Variants in SMYD3 observed in about 807,000 individuals in gnomAD.
SMYD3 encodes SET and MYND domain containing 3, also known as histone-lysine N-methyltransferase SMYD3.
Under a neutral mutation model 57.7 loss-of-function variants are expected in SMYD3, and 36 were observed. The observed-to-expected ratio is 0.62, with a 90% CI of 0.48 to 0.82. The LOEUF (loss-of-function observed/expected upper bound fraction) is 0.82, where lower values mean the gene tolerates loss of function less well. SMYD3 is among the 40% of genes least tolerant of loss of function. The pLI is 0.00. For missense variants in SMYD3, 515 were observed against 538.8 expected (o/e 0.96, Z 0.44); for synonymous variants, 211 against 195.0 (o/e 1.08, Z -0.68).
intron 10 of SMYD3, among the ~76,000 whole-genome samples, chr1:245,785,617 G>T (rs925022641): frequency 3.4e-4 from 51 of 151,946 alleles, no homozygotes; most frequent in African/African-American, 1.1e-3. Flanking sequence ...AAGAGACAGG[G>T]CACCTCTCCC....
chr1:245,884,440 G>GCA (rs1365425890), intron 8 of SMYD3, among the ~76,000 whole-genome samples: 2 of 152,116 alleles, frequency 1.3e-5, no homozygotes, highest in African/African-American at 4.8e-5. Flanking sequence ...GAAATGCATG[G>GCA]GGGTTTTTAT....
intron 5 of SMYD3, among the ~76,000 whole-genome samples, chr1:246,076,297 A>C (rs2060545519): frequency 2.0e-5 from 3 of 152,216 alleles, no homozygotes; most frequent in African/African-American, 7.2e-5. Context: ...ATTCAAAGAA[A>C]AGACAGAGCT....
At chr1:245,828,777 A>G (rs953568904) in intron 10 of SMYD3, among the ~76,000 whole-genome samples, 28 of 150,590 alleles carry the variant, frequency 1.9e-4, no homozygotes, top group African/African-American at 6.6e-4. Context: ...TCTCGGGCTC[A>G]CTGCAACCTC....
intron 5 of SMYD3, among the ~76,000 whole-genome samples, chr1:245,979,159 T>C (rs770133177): frequency 6.6e-6 from 1 of 152,050 alleles, no homozygotes; most frequent in East Asian, 1.9e-4. Flanking sequence ...CACACAGAAA[T>C]AGCTTGAAGA....
intron 2 of SMYD3, among the ~76,000 whole-genome samples, chr1:246,350,776 G>A (rs2065809846): frequency 6.6e-6 from 1 of 152,192 alleles, no homozygotes; most frequent in South Asian, 2.1e-4. Context: ...TGAAGTCATA[G>A]GAGCAGATAA....
At chr1:245,886,302 A>T (rs528370153) in intron 8 of SMYD3, among the ~76,000 whole-genome samples, 1 of 152,292 alleles carries the variant, frequency 6.6e-6, no homozygotes, top group South Asian at 2.1e-4. Context: ...CAAGAGAAAG[A>T]GAAAGCCCAC....
intron 10 of SMYD3, among the ~76,000 whole-genome samples, chr1:245,786,065 T>C (rs1572332076): frequency 7.1e-6 from 1 of 141,302 alleles, no homozygotes; most frequent in African/African-American, 2.7e-5. Flanking sequence ...TTTTAACTTG[T>C]AGAAGTTTTG....
At chr1:245,788,874 ACT>A (rs1362709132) in intron 10 of SMYD3, 1 of 152,130 alleles carries the variant, frequency 6.6e-6, no homozygotes, top group East Asian at 1.9e-4. Flanking sequence ...GTTACTTATG[ACT>A]CTAATTATGT....
chr1:245,877,650 T>G (rs1182411552), intron 8 of SMYD3, among the ~76,000 whole-genome samples: 1 of 152,130 alleles, frequency 6.6e-6, no homozygotes. Context: ...AGTAAGTCTG[T>G]GGAGAGTAGA....
Position 246,263,364 on chromosome 1 carries a change from G to T in SMYD3, c.531+63837C>A, listed in dbSNP as rs80056446. ...TGTATGTGACCTGGGCACATACCCA[G>T]GTCAGAGTTAGGGCTCATTAACAGT... On this transcript the variant is annotated intron_variant, in intron 5 of 11. Transcript: ENST00000490107. Among the ~76,000 whole-genome samples, 3,415 of 147,614 alleles carry T rather than the reference G, an allele frequency of 0.023. 241 individuals are homozygous for T. The East Asian group carries it at 0.25, about 11-fold the overall frequency.
intron 10 of SMYD3, among the ~76,000 whole-genome samples, chr1:245,766,396 G>C (rs933413351): frequency 2.2e-5 from 2 of 89,938 alleles, no homozygotes; most frequent in African/African-American, 1.3e-4. Context: ...GCGAGACTCT[G>C]TCTTAAAAAA....
At chr1:246,086,520 C>A (rs906113460) in intron 5 of SMYD3, among the ~76,000 whole-genome samples, 9 of 149,980 alleles carry the variant, frequency 6.0e-5, no homozygotes, top group Admixed American at 4.0e-4. Context: ...TTTTTCTACA[C>A]TTCACTTATT....
chr1:246,299,530 C>T (rs2064856039), intron 5 of SMYD3, among the ~76,000 whole-genome samples: 1 of 152,110 alleles, frequency 6.6e-6, no homozygotes, highest in Admixed American at 6.5e-5. Flanking sequence ...ATCATGAAGA[C>T]ACATGCACAT....
At chr1:245,918,165 T>G (rs889204972) in intron 7 of SMYD3, among the ~76,000 whole-genome samples, 4 of 152,146 alleles carry the variant, frequency 2.6e-5, no homozygotes, top group Admixed American at 2.0e-4. Flanking sequence ...CATAACATGC[T>G]GCTCCACACA....
chr1:245,839,838 A>T (rs941520892), intron 10 of SMYD3, among the ~76,000 whole-genome samples: 2 of 152,228 alleles, frequency 1.3e-5, no homozygotes, highest in African/African-American at 4.8e-5. Context: ...TCAGAAAAAA[A>T]AAACAATTTT....
chr1:245,970,193 C>G (rs1483239364), intron 5 of SMYD3, among the ~76,000 whole-genome samples: 6 of 152,114 alleles, frequency 3.9e-5, no homozygotes, highest in East Asian at 1.9e-4. Flanking sequence ...ACAAACCTGA[C>G]AAAAACAAGC....
At chr1:246,285,861 T>A (rs2064551011) in intron 5 of SMYD3, among the ~76,000 whole-genome samples, 1 of 151,998 alleles carries the variant, frequency 6.6e-6, no homozygotes, top group Admixed American at 6.6e-5. Context: ...AAAGAAGATA[T>A]AAATGGCCAG....
intron 5 of SMYD3, among the ~76,000 whole-genome samples, chr1:246,082,795 G>C (rs897049914): frequency 6.6e-6 from 1 of 152,146 alleles, no homozygotes; most frequent in African/African-American, 2.4e-5. Flanking sequence ...GCCTTGGGAT[G>C]CTGTTAATCT....
intron 10 of SMYD3, among the ~76,000 whole-genome samples, chr1:245,822,339 T>C (rs1331503453): frequency 3.5e-5 from 5 of 143,828 alleles, no homozygotes; most frequent in South Asian, 2.3e-4. Flanking sequence ...TAGGTGGGAA[T>C]TGAACAATGA....
Sources: allele counts gnomAD v4.1 joint callset (sites outside exome capture counted in the v4.1 genomes callset), GRCh38; gene constraint gnomAD v4.1.1; transcripts MANE v1.5; gene names NCBI Gene and HGNC (gene_info 2026-07-23, HGNC 2026-07-21).